YAP1: variants seen among roughly 807,000 people sequenced by gnomAD.
YAP1 encodes transcriptional coactivator YAP1.
A neutral mutation model predicts 56.9 loss-of-function variants in YAP1; 5 were observed. The ratio of observed to expected loss-of-function variants is 0.09; its 90% CI spans 0.05 to 0.18. The LOEUF is 0.18. Ranked by LOEUF, YAP1 falls within the 10% of genes least tolerant of loss-of-function variation. The probability of loss-of-function intolerance (pLI) is 1.00; values close to 1 mark genes in which losing one functional copy is unlikely to be tolerated. For missense variants in YAP1, 539 were observed against 651.8 expected (o/e 0.83, Z 1.88); for synonymous variants, 265 against 248.1 (o/e 1.07, Z -0.64).
chr11:102,232,194 T>C lies in YAP1; in HGVS notation c.*2254T>C, dbSNP rs1385122757. The C allele has an allele frequency of 7.0e-6, 1 of 142,604 alleles. No individual in the cohort carries two copies. The highest frequency in any genetic ancestry group is 2.6e-5 in the African/African-American group (1 of 37,794). 8.8% of individuals were successfully genotyped at this position (142,604 alleles called of 1,614,324 possible). A position where few individuals can be genotyped will look rare whatever the true frequency, so the allele number is the denominator to read the frequency against. ...ATCAAAGCTACTTGGAAGGAGTGCC[T>C]ATAATTTGCCAGTAGCCACAGATTA... On this transcript the variant is annotated 3_prime_UTR_variant, in exon 9 of 9. Coordinates refer to ENST00000282441, the MANE Select transcript of YAP1 (RefSeq NM_001130145.3).
chr11:102,156,263 T>G (rs1945938614), intron 2 of YAP1, among the ~76,000 whole-genome samples: 1 of 152,196 alleles, frequency 6.6e-6, no homozygotes, highest in Admixed American at 6.5e-5. Flanking sequence ...ATTTTGGCTC[T>G]TTTGGGTAAA....
At position 102,231,938 on chromosome 11, in the gene YAP1, A is replaced by G. The variant is rs535002184; in HGVS notation, c.*1998A>G. The G allele has an allele frequency of 3.3e-5, 5 of 152,730 alleles. No individual in the cohort carries two copies. The highest frequency in any genetic ancestry group is 1.2e-4 in the African/African-American group (5 of 41,570). The allele number at this position is 152,730 out of a possible 1,614,324, so 9.5% of individuals were successfully genotyped here. On this transcript the variant is annotated 3_prime_UTR_variant, in exon 9 of 9. Coordinates refer to ENST00000282441, the MANE Select transcript of YAP1 (RefSeq NM_001130145.3). ...TTTTAAGTACTTTCAGTGCTCAAAAAAATGCAATCACTGTGTTGTATATAA... is the reference window on the plus strand; with the variant it reads ...TTTTAAGTACTTTCAGTGCTCAAAAGAATGCAATCACTGTGTTGTATATAA...
At chr11:102,216,366 G>A (rs932525515) in intron 6 of YAP1, among the ~76,000 whole-genome samples, 2 of 152,052 alleles carry the variant, frequency 1.3e-5, no homozygotes, top group Non-Finnish European at 2.9e-5. Context: ...ATATGGGTAA[G>A]CATGAAGTCA....
At chr11:102,186,360 CATA>C (rs1947944505) in intron 4 of YAP1, 2 of 417,844 alleles carry the variant, frequency 4.8e-6, no homozygotes, top group Non-Finnish European at 8.6e-6. Context: ...GGGGGAATGT[CATA>C]ATGGCCGACT....
intron 6 of YAP1, among the ~76,000 whole-genome samples, chr11:102,216,028 A>G (rs2091185229): frequency 1.3e-5 from 2 of 152,220 alleles, no homozygotes; most frequent in Admixed American, 6.5e-5. Context: ...ACACACTCAG[A>G]TAACAAAGGT....
chr11:102,184,148 C>T (rs1947817949), intron 3 of YAP1, among the ~76,000 whole-genome samples: 2 of 151,242 alleles, frequency 1.3e-5, no homozygotes, highest in African/African-American at 4.9e-5. Context: ...CAAAGGCATT[C>T]AGTGATTGCT....
intron 2 of YAP1, among the ~76,000 whole-genome samples, chr11:102,119,139 G>T (rs964981058): frequency 2.6e-5 from 4 of 151,828 alleles, no homozygotes; most frequent in African/African-American, 4.8e-5. Flanking sequence ...TAGCTCTGGG[G>T]GGTGGGGGAG....
At chr11:102,210,341 AACTT>A (rs1949337162) in intron 6 of YAP1, among the ~76,000 whole-genome samples, 1 of 152,166 alleles carries the variant, frequency 6.6e-6, no homozygotes. Context: ...CCTTCTATGT[AACTT>A]ACTCTGCACT....
At chr11:102,196,205 T>G (rs1190983409) in intron 4 of YAP1, among the ~76,000 whole-genome samples, 2 of 152,086 alleles carry the variant, frequency 1.3e-5, no homozygotes, top group Non-Finnish European at 2.9e-5. Flanking sequence ...GGCTAAAGAA[T>G]TGGGAACGTA....
At chr11:102,205,835 C>T in intron 4 of YAP1, 58 bp from the exon 5 acceptor site, 1 of 1,424,498 alleles carries the variant, frequency 7.0e-7, no homozygotes, top group East Asian at 2.4e-5. Flanking sequence ...ATTAAATCAT[C>T]ATTTTATCTT....
chr11:102,165,629 T>G (rs148634948), intron 3 of YAP1, among the ~76,000 whole-genome samples: 1 of 152,236 alleles, frequency 6.6e-6, no homozygotes, highest in African/African-American at 2.4e-5. Context: ...TGAGCATGTT[T>G]ACAGCGTGCT....
At position 102,224,063 on chromosome 11, in the gene YAP1, T is replaced by G. The variant is rs1950078466; in HGVS notation, c.1163+311T>G. On this transcript the variant is annotated intron_variant, in intron 7 of 8. Transcript: ENST00000282441. The stretch of plus-strand genomic sequence containing the variant: ...TCATGAAGGAACATGTGAATGCCTT[T>G]CTGTGAAAGCAAATGAATTTCATGT... 3.3e-5 allele frequency among the ~76,000 whole-genome samples: 5 copies of G among 152,228 alleles called. No homozygotes were observed. The South Asian group carries it at 1.0e-3, about 32-fold the overall frequency.
intron 6 of YAP1, among the ~76,000 whole-genome samples, chr11:102,211,917 A>G (rs1949423517): frequency 6.6e-6 from 1 of 152,062 alleles, no homozygotes; most frequent in African/African-American, 2.4e-5. Context: ...GTTATCCAGG[A>G]TGGTCTCCAC....
intron 2 of YAP1, among the ~76,000 whole-genome samples, chr11:102,153,686 A>G (rs1420993065): frequency 1.3e-5 from 2 of 152,132 alleles, no homozygotes; most frequent in African/African-American, 4.8e-5. Flanking sequence ...AACTCCTAAT[A>G]TATTTGCTGT....
Position 102,230,019 on chromosome 11 carries a change from G to T in YAP1, c.*79G>T. The stretch of plus-strand genomic sequence containing the variant: ...CACCGGAAATTTCCATAAGCCAGTT[G>T]CAGTTTTCAGGCTAATACAGAAAAA... On this transcript the variant is annotated 3_prime_UTR_variant, in exon 9 of 9. Coordinates refer to ENST00000282441, the MANE Select transcript of YAP1 (RefSeq NM_001130145.3). The T allele has an allele frequency of 1.6e-6, 2 of 1,225,832 alleles. No homozygotes were observed. Among genetic ancestry groups the T allele is most frequent in the Non-Finnish European group, 2.4e-6 (2 of 848,216 alleles). The allele number at this position is 1,225,832 out of a possible 1,614,324, so 75.9% of individuals were successfully genotyped here.
rs1173768463 is a variant in YAP1 at position 102,110,701 on chromosome 11, G to A, written c.-148G>A. The A allele has an allele frequency of 8.0e-6, 5 of 628,836 alleles. No individual in the cohort carries two copies. The highest frequency in any genetic ancestry group is 7.7e-5 in the South Asian group (1 of 12,936). 39.0% of individuals were successfully genotyped at this position (628,836 alleles called of 1,614,324 possible). On this transcript the variant is annotated 5_prime_UTR_variant, in exon 1 of 9. Coordinates refer to ENST00000282441, the MANE Select transcript of YAP1 (RefSeq NM_001130145.3). ...CCGGGGCGGGGGATGCGGGGCCGCG[G>A]CGCAGCCCCCCGGCCCTGAGAGCGA...
At chr11:102,192,322 G>A (rs533605396) in intron 4 of YAP1, among the ~76,000 whole-genome samples, 1 of 152,226 alleles carries the variant, frequency 6.6e-6, no homozygotes, top group East Asian at 1.9e-4. Context: ...CATTTTGCTA[G>A]TGCTTCTTTA....
intron 4 of YAP1, among the ~76,000 whole-genome samples, chr11:102,197,493 T>C (rs1948630834): frequency 6.9e-6 from 1 of 144,178 alleles, no homozygotes; most frequent in Non-Finnish European, 1.6e-5. Context: ...TTCACATGTT[T>C]AGAATGAAAC....
chr11:102,175,946 A>G (rs1157392322), intron 3 of YAP1, among the ~76,000 whole-genome samples: 1 of 152,214 alleles, frequency 6.6e-6, no homozygotes, highest in African/African-American at 2.4e-5. Flanking sequence ...GCGTCTGCCT[A>G]AAAATCTTAG....
Sources: allele counts gnomAD v4.1 joint callset (sites outside exome capture counted in the v4.1 genomes callset), GRCh38; gene constraint gnomAD v4.1.1; transcripts MANE v1.5; gene names NCBI Gene and HGNC (gene_info 2026-07-23, HGNC 2026-07-21).